The following ACVR1 variants were observed in gnomAD, a reference collection of about 807,000 sequenced individuals.
The protein encoded by ACVR1 is activin receptor type-1.
Under a neutral mutation model 57.1 loss-of-function variants are expected in ACVR1, and 38 were observed. The observed-to-expected ratio is 0.67, with a 90% CI of 0.51 to 0.87. The LOEUF (loss-of-function observed/expected upper bound fraction) is 0.87. Ranked by LOEUF, ACVR1 falls within the 40% of genes least tolerant of loss-of-function variation. The pLI, the probability that ACVR1 is intolerant of heterozygous loss-of-function variation, is 0.00. For missense variants in ACVR1, 463 were observed against 638.2 expected, an observed-to-expected ratio of 0.73 and a Z score of 2.96; for synonymous variants, 212 against 228.1, an observed-to-expected ratio of 0.93 and a Z score of 0.63.
At chr2:157,819,496 CAAAA>C (rs3030654) in intron 1 of ACVR1, 34 of 127,602 alleles carry the variant, frequency 2.7e-4, no homozygotes, top group Non-Finnish European at 2.3e-4. Flanking sequence ...AACTCTGTCT[CAAAA>C]AAAAAAAAAA....
At chr2:157,762,064 A>G (rs1180459331) in intron 8 of ACVR1, among the ~76,000 whole-genome samples, 2 of 152,192 alleles carry the variant, frequency 1.3e-5, no homozygotes, top group Non-Finnish European at 2.9e-5. Flanking sequence ...TAGCAAAGAT[A>G]CTGGCAACTG....
At chr2:157,794,042 G>A (rs1237298055) in intron 3 of ACVR1, among the ~76,000 whole-genome samples, 1 of 152,158 alleles carries the variant, frequency 6.6e-6, no homozygotes, top group Non-Finnish European at 1.5e-5. Flanking sequence ...ATCTAACTGT[G>A]GCTTACAAAT....
intron 1 of ACVR1, among the ~76,000 whole-genome samples, chr2:157,866,611 G>T (rs1251520747): frequency 3.9e-4 from 59 of 152,184 alleles, no homozygotes; most frequent in Admixed American, 3.7e-3. Flanking sequence ...ACCAAGAAAA[G>T]GTCACTATTA....
chr2:157,824,389 G>A (rs931516793), intron 1 of ACVR1, among the ~76,000 whole-genome samples: 3 of 152,092 alleles, frequency 2.0e-5, no homozygotes, highest in Admixed American at 6.5e-5. Context: ...GACTGCTTCA[G>A]CCCAGGAGCT....
At chr2:157,863,474 A>G (rs1689807691) in intron 1 of ACVR1, among the ~76,000 whole-genome samples, 1 of 145,374 alleles carries the variant, frequency 6.9e-6, no homozygotes, top group Admixed American at 7.0e-5. Context: ...AGGCCAGCGG[A>G]TCACCTGTGG....
At chr2:157,818,922 C>CA (rs1312458947) in intron 1 of ACVR1, among the ~76,000 whole-genome samples, 2 of 150,840 alleles carry the variant, frequency 1.3e-5, no homozygotes, top group East Asian at 1.9e-4. Flanking sequence ...ACTAAAAATA[C>CA]AAAAAATTAG....
intron 3 of ACVR1, among the ~76,000 whole-genome samples, chr2:157,798,002 T>TA (rs1183762084): frequency 1.3e-5 from 2 of 152,176 alleles, no homozygotes; most frequent in Non-Finnish European, 2.9e-5. Flanking sequence ...ACCTTGAACT[T>TA]AGACTTCCCA....
At chr2:157,760,080 C>T (rs1450256618) in intron 9 of ACVR1, among the ~76,000 whole-genome samples, 1 of 152,094 alleles carries the variant, frequency 6.6e-6, no homozygotes, top group African/African-American at 2.4e-5. Context: ...CAAAATAGTA[C>T]TAGAAGTCCT....
chr2:157,757,571 G>A (rs1057041353), intron 9 of ACVR1, among the ~76,000 whole-genome samples: 5 of 151,682 alleles, frequency 3.3e-5, no homozygotes, highest in African/African-American at 1.2e-4. Flanking sequence ...TAATCTCACG[G>A]GCCAAGAGAG....
intron 1 of ACVR1, among the ~76,000 whole-genome samples, chr2:157,835,253 G>C (rs1291228384): frequency 6.6e-6 from 1 of 152,074 alleles, no homozygotes; most frequent in Non-Finnish European, 1.5e-5. Flanking sequence ...TTAGAACTGC[G>C]GTCCTGCCAT....
chr2:157,736,992 A>T lies in ACVR1; in HGVS notation c.*539T>A, dbSNP rs1310210900. The T allele has an allele frequency of 7.0e-6, 2 of 286,078 alleles. No homozygotes were observed. Among genetic ancestry groups the T allele is most frequent in the Non-Finnish European group, 1.3e-5 (2 of 153,940 alleles). 17.7% of individuals were successfully genotyped at this position (286,078 alleles called of 1,614,324 possible). A position where few individuals can be genotyped will look rare whatever the true frequency, so the allele number is the denominator to read the frequency against. On this transcript the variant is annotated 3_prime_UTR_variant, in exon 11 of 11. Transcript: ENST00000434821. ...TCTGACATTACATTTTGTTTTGCCA[A>T]ATTGAATTCCTATTATCCAAAGACA... is the stretch of plus-strand genomic sequence containing the variant.
At chr2:157,753,875 A>G (rs967645487) in intron 9 of ACVR1, among the ~76,000 whole-genome samples, 2 of 152,224 alleles carry the variant, frequency 1.3e-5, no homozygotes, top group African/African-American at 4.8e-5. Context: ...ACAAGTCTCA[A>G]TAAACTTAAG....
intron 2 of ACVR1, among the ~76,000 whole-genome samples, chr2:157,815,058 C>T (rs1687884556): frequency 6.6e-6 from 1 of 152,102 alleles, no homozygotes; most frequent in Admixed American, 6.5e-5. Context: ...CACTGCACTC[C>T]AGCCTGGGCA....
intron 1 of ACVR1, chr2:157,819,312 C>T (rs568397918): frequency 6.6e-6 from 1 of 152,124 alleles, no homozygotes; most frequent in South Asian, 2.1e-4. Flanking sequence ...GAAACCCCGT[C>T]TGTACTAAAA....
At chr2:157,841,926 G>C (rs963087457) in intron 1 of ACVR1, among the ~76,000 whole-genome samples, 4 of 150,624 alleles carry the variant, frequency 2.7e-5, no homozygotes, top group Admixed American at 1.3e-4. Context: ...ACTTGGGAGG[G>C]TGAGGCAGGA....
intron 1 of ACVR1, among the ~76,000 whole-genome samples, chr2:157,821,794 T>C (rs1177035210): frequency 6.6e-6 from 1 of 152,226 alleles, no homozygotes; most frequent in Non-Finnish European, 1.5e-5. Context: ...AATCAAATTT[T>C]CTAACTCTAA....
intron 9 of ACVR1, among the ~76,000 whole-genome samples, chr2:157,745,012 T>C (rs1684913062): frequency 2.0e-5 from 3 of 152,264 alleles, no homozygotes; most frequent in Admixed American, 1.3e-4. Flanking sequence ...TCTAGCCCAT[T>C]GTAATTCATG....
At chr2:157,833,044 A>G (rs1688642654) in intron 1 of ACVR1, among the ~76,000 whole-genome samples, 1 of 152,222 alleles carries the variant, frequency 6.6e-6, no homozygotes, top group Admixed American at 6.5e-5. Flanking sequence ...TGAAAGGAAT[A>G]TGTGTGTATA....
intron 2 of ACVR1, among the ~76,000 whole-genome samples, chr2:157,806,365 G>A (rs1467773854): frequency 6.6e-6 from 1 of 151,910 alleles, no homozygotes; most frequent in South Asian, 2.1e-4. Flanking sequence ...CTCTTTGATA[G>A]TGCATCAGTG....
Sources: gnomAD v4.1 joint callset for allele counts (sites outside exome capture counted in the v4.1 genomes callset) on GRCh38, gnomAD v4.1.1 for gene constraint, MANE v1.5 for transcripts, NCBI Gene and HGNC (gene_info 2026-07-23, HGNC 2026-07-21) for gene names.